Variants in PCDH9 observed in about 807,000 individuals in gnomAD.
PCDH9 encodes the protein protocadherin-9.
In PCDH9, 24 loss-of-function variants were observed where a neutral mutation model predicts 70.6. That is an observed-to-expected ratio of 0.34 (90% confidence interval 0.25 to 0.48). PCDH9 has a LOEUF of 0.48. Among genes scored for constraint, PCDH9 ranks in the 20% least tolerant of loss-of-function variants. The pLI, the probability that PCDH9 is intolerant of heterozygous loss-of-function variation, is 0.99. For synonymous variants in PCDH9, 562 were observed against 558.5 expected, an observed-to-expected ratio of 1.01 and a Z score of -0.09; for missense variants, 1,281 against 1,503.6, an observed-to-expected ratio of 0.85 and a Z score of 2.45.
intron 4 of PCDH9, among the ~76,000 whole-genome samples, chr13:66,470,370 C>T (rs1958594117): frequency 6.6e-6 from 1 of 152,092 alleles, no homozygotes; most frequent in Non-Finnish European, 1.5e-5. Context: ...TCATATTTAT[C>T]CAGTTCCTGC....
At chr13:66,872,613 T>C (rs1379005654) in intron 3 of PCDH9, among the ~76,000 whole-genome samples, 1 of 152,136 alleles carries the variant, frequency 6.6e-6, no homozygotes, top group Non-Finnish European at 1.5e-5. Context: ...TTTATTCTCT[T>C]AAAACATTAT....
intron 3 of PCDH9, among the ~76,000 whole-genome samples, chr13:66,779,732 A>T (rs1386926703): frequency 2.0e-5 from 3 of 151,542 alleles, no homozygotes; most frequent in Admixed American, 2.0e-4. Flanking sequence ...GAGGCAGGAG[A>T]ATCACTTGAA....
chr13:66,543,960 G>A (rs1961074868), intron 4 of PCDH9, among the ~76,000 whole-genome samples: 1 of 152,118 alleles, frequency 6.6e-6, no homozygotes, highest in South Asian at 2.1e-4. Context: ...GCCATCTACT[G>A]AGTCTGAACA....
At chr13:66,585,210 A>G (rs994172501) in intron 4 of PCDH9, among the ~76,000 whole-genome samples, 2 of 152,254 alleles carry the variant, frequency 1.3e-5, no homozygotes, top group Middle Eastern at 3.4e-3. Context: ...AAATGCATAT[A>G]TGCATTATTT....
chr13:67,042,649 G>A (rs1226894772), intron 2 of PCDH9, among the ~76,000 whole-genome samples: 2 of 152,122 alleles, frequency 1.3e-5, no homozygotes, highest in African/African-American at 4.8e-5. Context: ...ATTAGCAATT[G>A]TCTTTCTTAC....
intron 2 of PCDH9, among the ~76,000 whole-genome samples, chr13:67,158,791 A>C (rs1243579036): frequency 6.6e-6 from 1 of 152,220 alleles, no homozygotes; most frequent in African/African-American, 2.4e-5. Context: ...TCTTTATGAG[A>C]TATAGTCGGT....
rs1225945240 is a variant in PCDH9, at chr13:66,965,062, T to C, written c.3037-61457A>G. ...ATAAAGTATTTAAAATTTTTGACAT[T>C]GCAAAATATCCTTACATGAAGAAGA... On this transcript the variant is annotated intron_variant, in intron 2 of 4. Transcript: ENST00000377865. Among the ~76,000 whole-genome samples, 3 of 151,964 alleles carry C rather than the reference T, an allele frequency of 2.0e-5. No homozygotes were observed. The East Asian group carries it at 5.8e-4, about 29-fold the overall frequency.
At chr13:66,604,675 CTATTT>C (rs1434388433) in intron 4 of PCDH9, among the ~76,000 whole-genome samples, 2 of 151,918 alleles carry the variant, frequency 1.3e-5, no homozygotes, top group African/African-American at 4.8e-5. Context: ...TTTACAAGAG[CTATTT>C]TATTTAATGA....
At chr13:66,585,724 T>C (rs1195016751) in intron 4 of PCDH9, among the ~76,000 whole-genome samples, 1 of 152,196 alleles carries the variant, frequency 6.6e-6, no homozygotes, top group Non-Finnish European at 1.5e-5. Flanking sequence ...AGGAGTGGCC[T>C]GTGATGACAC....
In PCDH9 at chr13:67,214,482, T is replaced by G. The variant is rs112238696; in HGVS notation, c.3036+10923A>C. ...TAGGAGTGATGGATACGGTGAAAAT[T>G]CCCAGATGGGTGGAGCTTCTGGGTA... On this transcript the variant is annotated intron_variant, in intron 2 of 4. Transcript: ENST00000377865. 60 of 152,282 alleles carry G rather than the reference T, an allele frequency of 3.9e-4. 1 individual carries two copies. Among genetic ancestry groups the G allele is most frequent in the African/African-American group, 1.4e-3 (57 of 41,574 alleles). The allele number at this position is 152,282 out of a possible 1,614,324, so 9.4% of individuals were successfully genotyped here. A position where few individuals can be genotyped will look rare whatever the true frequency, so the allele number is the denominator to read the frequency against.
intron 3 of PCDH9, among the ~76,000 whole-genome samples, chr13:66,633,706 T>C (rs940275276): frequency 6.6e-6 from 1 of 152,160 alleles, no homozygotes; most frequent in Admixed American, 6.5e-5. Context: ...AACAAATGAT[T>C]CTTGAATCTT....
intron 2 of PCDH9, among the ~76,000 whole-genome samples, chr13:67,061,994 C>T (rs1466648965): frequency 6.6e-6 from 1 of 152,100 alleles, no homozygotes; most frequent in East Asian, 1.9e-4. Context: ...AGGGAATTCT[C>T]ATTACTCCTG....
At chr13:66,726,507 C>T (rs1266067495) in intron 3 of PCDH9, among the ~76,000 whole-genome samples, 1 of 151,894 alleles carries the variant, frequency 6.6e-6, no homozygotes, top group Non-Finnish European at 1.5e-5. Flanking sequence ...GTACACAAGT[C>T]CCTAGAGGCA....
At chr13:66,653,955 G>A (rs1325681645) in intron 3 of PCDH9, among the ~76,000 whole-genome samples, 1 of 129,056 alleles carries the variant, frequency 7.7e-6, no homozygotes, top group Non-Finnish European at 1.6e-5. Flanking sequence ...GCGACAAAGC[G>A]AGACTCCGTC....
chr13:66,427,316 T>C (rs893805425), intron 4 of PCDH9, among the ~76,000 whole-genome samples: 1 of 151,698 alleles, frequency 6.6e-6, no homozygotes. Flanking sequence ...TGCACATTCA[T>C]TGACAAAACA....
intron 4 of PCDH9, among the ~76,000 whole-genome samples, chr13:66,463,418 T>C (rs540726787): frequency 1.1e-4 from 16 of 151,928 alleles, no homozygotes; most frequent in African/African-American, 3.6e-4. Flanking sequence ...TTATCACATA[T>C]ATTTGTGCTG....
At chr13:66,736,196 C>G (rs984584058) in intron 3 of PCDH9, among the ~76,000 whole-genome samples, 2 of 152,070 alleles carry the variant, frequency 1.3e-5, no homozygotes, top group Non-Finnish European at 2.9e-5. Context: ...AATTCTATCT[C>G]CCCAATTGCA....
At chr13:66,750,210 T>C (rs1289373367) in intron 3 of PCDH9, among the ~76,000 whole-genome samples, 1 of 152,110 alleles carries the variant, frequency 6.6e-6, no homozygotes, top group Non-Finnish European at 1.5e-5. Context: ...TAAAGAAGAA[T>C]GACAAATATT....
chr13:67,074,544 C>A (rs903244453), intron 2 of PCDH9, among the ~76,000 whole-genome samples: 4 of 152,050 alleles, frequency 2.6e-5, no homozygotes, highest in Non-Finnish European at 1.5e-5. Context: ...GAGTAAAATT[C>A]AATACAAAAT....
Sources: gnomAD v4.1 joint callset for allele counts (sites outside exome capture counted in the v4.1 genomes callset) on GRCh38, gnomAD v4.1.1 for gene constraint, MANE v1.5 for transcripts, NCBI Gene and HGNC (gene_info 2026-07-23, HGNC 2026-07-21) for gene names.